ZNF714: variants seen among roughly 807,000 people sequenced by gnomAD.
ZNF714 encodes the protein zinc finger protein 714.
In ZNF714, 32 loss-of-function variants were observed where a neutral mutation model predicts 46.2. The ratio of observed to expected loss-of-function variants is 0.69; its 90% CI spans 0.52 to 0.93. The LOEUF (loss-of-function observed/expected upper bound fraction) is 0.93, where lower values mean the gene tolerates loss of function less well. Among genes scored for constraint, ZNF714 ranks in the 40% least tolerant of loss-of-function variants. ZNF714 has a pLI of 0.00. For missense variants in ZNF714, 635 were observed against 646.3 expected (o/e 0.98, Z 0.19); for synonymous variants, 199 against 213.1 (o/e 0.93, Z 0.58).
At chr19:21,106,999 G>A (rs965380020) in intron 4 of ZNF714, among the ~76,000 whole-genome samples, 1 of 151,888 alleles carries the variant, frequency 6.6e-6, no homozygotes, top group Non-Finnish European at 1.5e-5. Context: ...GCTAATTTTT[G>A]TATTCTTAGT....
intron 2 of ZNF714, chr19:21,091,516 A>C (rs1462499045): frequency 6.6e-6 from 1 of 152,160 alleles, no homozygotes; most frequent in African/African-American, 2.4e-5. Flanking sequence ...CCTCTGACAG[A>C]ATCTGTGTCT....
At position 21,089,200 on chromosome 19, in the gene ZNF714, G is replaced by A. The variant is rs2144825142; in HGVS notation, c.-85+5131G>A. ...GATCTATTCACTTCCAATTCCTGGGGTTTCATAAGGAAAAAGAGGTGTTTC... is the reference window on the plus strand; with the variant it reads ...GATCTATTCACTTCCAATTCCTGGGATTTCATAAGGAAAAAGAGGTGTTTC... On this transcript the variant is annotated intron_variant, in intron 2 of 4. Transcript: ENST00000456283. Among the ~76,000 whole-genome samples, 2 of 152,256 alleles carry A rather than the reference G, an allele frequency of 1.3e-5. 1 individual carries two copies. The highest frequency in any genetic ancestry group is 4.1e-4 in the South Asian group (2 of 4,828).
intron 4 of ZNF714, among the ~76,000 whole-genome samples, chr19:21,104,286 G>A (rs977996677): frequency 6.6e-6 from 1 of 152,072 alleles, no homozygotes; most frequent in Non-Finnish European, 1.5e-5. Flanking sequence ...TGTAAATTAA[G>A]AGACAACTGG....
intron 4 of ZNF714, among the ~76,000 whole-genome samples, chr19:21,100,087 C>T (rs2144846075): frequency 6.6e-6 from 1 of 152,270 alleles, no homozygotes; most frequent in East Asian, 1.9e-4. Context: ...ATCTCCTGAC[C>T]TTGTGATCCG....
intron 4 of ZNF714, 34 bp downstream of exon 4, chr19:21,098,944 T>C: frequency 8.0e-7 from 1 of 1,253,036 alleles, no homozygotes; most frequent in Non-Finnish European, 1.1e-6. Flanking sequence ...ATGACACAGA[T>C]GAGAGGTACA....
chr19:21,099,154 G>A (rs1359593638), intron 4 of ZNF714, among the ~76,000 whole-genome samples: 1 of 151,938 alleles, frequency 6.6e-6, no homozygotes, highest in Non-Finnish European at 1.5e-5. Flanking sequence ...GCATAATTTT[G>A]AAAAACACTG....
chr19:21,109,787 C>G (rs1418374400), intron 4 of ZNF714: 1 of 44,848 alleles, frequency 2.2e-5, no homozygotes, highest in Admixed American at 2.6e-4. Flanking sequence ...GTTGTTTCCC[C>G]CCATATGTCA....
intron 4 of ZNF714, among the ~76,000 whole-genome samples, chr19:21,101,130 C>T (rs1215432803): frequency 6.6e-6 from 1 of 152,142 alleles, no homozygotes; most frequent in African/African-American, 2.4e-5. Flanking sequence ...ATGTTTTTGA[C>T]TAATCCTTGT....
intron 2 of ZNF714, among the ~76,000 whole-genome samples, chr19:21,097,310 C>A (rs1969065254): frequency 6.6e-6 from 1 of 152,116 alleles, no homozygotes; most frequent in African/African-American, 2.4e-5. Context: ...TCGCATGAAA[C>A]TGATTTTTTC....
rs1204448100 is a variant in ZNF714, at chr19:21,120,471, T to C, written c.*2139T>C. 6.6e-6 allele frequency: 1 copy of C among 152,218 alleles called. No individual in the cohort carries two copies. Among genetic ancestry groups the C allele is most frequent in the African/African-American group, 2.4e-5 (1 of 41,434 alleles). 9.4% of individuals were successfully genotyped at this position (152,218 alleles called of 1,614,324 possible). A position where few individuals can be genotyped will look rare whatever the true frequency, so the allele number is the denominator to read the frequency against. Reference sequence around the variant, plus strand: ...TTTGGGGTTAACTTATAATATTGAGTGGTGCATGAGGTTGGTGTTCAGAGT... The same window carrying C: ...TTTGGGGTTAACTTATAATATTGAGCGGTGCATGAGGTTGGTGTTCAGAGT... On this transcript the variant is annotated 3_prime_UTR_variant, in exon 5 of 5. Coordinates refer to ENST00000456283, the MANE Select transcript of ZNF714 (RefSeq NM_182515.4).
intron 2 of ZNF714, among the ~76,000 whole-genome samples, chr19:21,085,612 T>C (rs1333080233): frequency 2.0e-5 from 3 of 152,202 alleles, no homozygotes; most frequent in Non-Finnish European, 4.4e-5. Flanking sequence ...GTCTCAGAGC[T>C]AAGGCTAATA....
intron 4 of ZNF714, among the ~76,000 whole-genome samples, chr19:21,112,801 GT>G (rs980423105): frequency 2.0e-5 from 2 of 98,134 alleles, no homozygotes; most frequent in Non-Finnish European, 4.6e-5. Context: ...GTTTCAAATA[GT>G]TTTTTTATTT....
chr19:21,103,645 C>G (rs1258408389), intron 4 of ZNF714, among the ~76,000 whole-genome samples: 1 of 152,148 alleles, frequency 6.6e-6, no homozygotes, highest in Non-Finnish European at 1.5e-5. Context: ...CGTGGTGGCT[C>G]ACATCTGTAA....
chr19:21,116,984 A>G lies in ZNF714; in HGVS notation c.320A>G (p.Gln107Arg). ...VYKKGYNELN[Q>R]CLTTTQSKIF... is the part of the protein sequence containing the mutation. ...AAAAAAGGTTATAATGAACTAAACC[A>G]GTGTTTGACAACTACCCAGAGCAAA... Residue 107 changes from glutamine to arginine, a missense_variant, in exon 5 of 5, where the codon CAG becomes CGG. By Grantham distance (43) the Gln-to-Arg change is conservative (BLOSUM62 1). Coordinates refer to ENST00000456283, the MANE Select transcript of ZNF714 (RefSeq NM_182515.4). The G allele has an allele frequency of 6.2e-7, 1 of 1,613,938 alleles. No homozygotes were observed. Among genetic ancestry groups the G allele is most frequent in the Non-Finnish European group, 8.5e-7 (1 of 1,179,890 alleles).
intron 2 of ZNF714, among the ~76,000 whole-genome samples, chr19:21,095,275 C>T (rs1398566440): frequency 6.6e-6 from 1 of 152,142 alleles, no homozygotes; most frequent in East Asian, 1.9e-4. Flanking sequence ...TTCCTATTCC[C>T]ATTATCTCAA....
At chr19:21,088,698 G>T (rs780554290) in intron 2 of ZNF714, among the ~76,000 whole-genome samples, 5 of 152,014 alleles carry the variant, frequency 3.3e-5, no homozygotes, top group Non-Finnish European at 5.9e-5. Context: ...AATTAATCAG[G>T]GTTCTTTTAT....
In ZNF714 at chr19:21,116,861, C is replaced by G. The variant is rs761745687; in HGVS notation, c.197C>G (p.Ser66Cys). The G allele has an allele frequency of 3.7e-6, 6 of 1,612,518 alleles. No individual in the cohort carries two copies. Among genetic ancestry groups the G allele is most frequent in the South Asian group, 2.2e-5 (2 of 90,622 alleles). The change falls in exon 5 of 5, where the codon TCT becomes TGT. Residue 66 changes from serine (S) to cysteine (C), a missense_variant. Physicochemically the swap from Ser to Cys is moderately radical, Grantham distance 112. Coordinates refer to ENST00000456283, the MANE Select transcript of ZNF714 (RefSeq NM_182515.4). ...DLWPEQDIKD[S>C]FQQVILRRHG... ...TGGCCAGAGCAAGACATAAAAGATT[C>G]TTTTCAACAAGTGATACTGAGAAGA... is the stretch of plus-strand genomic sequence containing the variant.
Position 21,118,100 on chromosome 19 carries a change from A to C in ZNF714, c.1436A>C (p.Lys479Thr). The C allele has an allele frequency of 6.2e-7, 1 of 1,613,930 alleles. No individual in the cohort carries two copies. Among genetic ancestry groups the C allele is most frequent in the Non-Finnish European group, 8.5e-7 (1 of 1,179,868 alleles). Residue 479 changes from lysine to threonine, a missense_variant, in exon 5 of 5, where the codon AAA becomes ACA. Lys to Thr is a moderately conservative substitution (Grantham distance 78). Coordinates refer to ENST00000456283, the MANE Select transcript of ZNF714 (RefSeq NM_182515.4). ...CATAACATAATTCATACTGGAGAGA[A>C]ATCTTACAAATGTGAAGAATGTGGT... The part of the protein sequence containing the change: ...TKHNIIHTGE[K>T]SYKCEECGKA...
intron 4 of ZNF714, among the ~76,000 whole-genome samples, chr19:21,104,344 G>T (rs1164464096): frequency 6.6e-6 from 1 of 152,138 alleles, no homozygotes; most frequent in African/African-American, 2.4e-5. Flanking sequence ...AATAAACATG[G>T]ATGTTCGAAT....
Sources: allele counts gnomAD v4.1 joint callset (sites outside exome capture counted in the v4.1 genomes callset), GRCh38; gene constraint gnomAD v4.1.1; transcripts MANE v1.5; gene names NCBI Gene and HGNC (gene_info 2026-07-23, HGNC 2026-07-21).